Variants in SMYD3 observed in about 807,000 individuals in gnomAD.
The protein encoded by SMYD3 is histone-lysine N-methyltransferase SMYD3.
In SMYD3, 36 loss-of-function variants were observed where a neutral mutation model predicts 57.7. That is an observed-to-expected ratio of 0.62 (90% CI 0.48 to 0.82). The LOEUF (loss-of-function observed/expected upper bound fraction) is 0.82, where lower values mean the gene tolerates loss of function less well. Among genes scored for constraint, SMYD3 ranks in the 40% least tolerant of loss-of-function variants. The pLI is 0.00. For synonymous variants in SMYD3, 211 were observed against 195.0 expected (o/e 1.08, Z -0.68); for missense variants, 515 against 538.8 (o/e 0.96, Z 0.44).
At chr1:246,416,766 G>A (rs1173064961) in intron 1 of SMYD3, among the ~76,000 whole-genome samples, 1 of 152,012 alleles carries the variant, frequency 6.6e-6, no homozygotes, top group African/African-American at 2.4e-5. Flanking sequence ...GACCTTAGAA[G>A]CTGCCTCAGA....
intron 5 of SMYD3, among the ~76,000 whole-genome samples, chr1:246,077,230 A>G (rs1449296853): frequency 6.6e-6 from 1 of 152,210 alleles, no homozygotes. Context: ...TGAGGTTCAC[A>G]GAAGATTTTT....
At position 246,112,522 on chromosome 1, in the gene SMYD3, T is replaced by C. The variant is rs564804921; in HGVS notation, c.532-182585A>G. On this transcript the variant is annotated intron_variant, in intron 5 of 11. Transcript: ENST00000490107. ...TGAGGTTTTCTTAAGGAGAAATCTG[T>C]TGGTTATACACATAAATTGCTAACA... 8.5e-4 allele frequency among the ~76,000 whole-genome samples: 129 copies of C among 152,366 alleles called. No individual in the cohort carries two copies. In the South Asian group the frequency reaches 0.026, roughly 30 times the overall value.
intron 8 of SMYD3, among the ~76,000 whole-genome samples, chr1:245,866,540 T>C (rs2051858234): frequency 6.6e-6 from 1 of 152,138 alleles, no homozygotes. Flanking sequence ...GAGACCAGCC[T>C]GGCCAACATG....
At chr1:245,940,075 C>T (rs528100107) in intron 5 of SMYD3, among the ~76,000 whole-genome samples, 1 of 152,192 alleles carries the variant, frequency 6.6e-6, no homozygotes, top group Non-Finnish European at 1.5e-5. Flanking sequence ...TCCCTCCTCA[C>T]CTTCCCCTCA....
At chr1:246,441,892 G>A (rs571994896) in intron 1 of SMYD3, among the ~76,000 whole-genome samples, 8 of 152,348 alleles carry the variant, frequency 5.3e-5, no homozygotes, top group Admixed American at 2.0e-4. Context: ...GACTACAGGC[G>A]TGAACTTACG....
chr1:246,013,279 AAGAGATTCT>A (rs941925487), intron 5 of SMYD3, among the ~76,000 whole-genome samples: 1 of 152,192 alleles, frequency 6.6e-6, no homozygotes, highest in African/African-American at 2.4e-5. Context: ...TCCTGGGTTC[AAGAGATTCT>A]AGTGCCCCAG....
chr1:246,426,206 T>C (rs1311505744), intron 1 of SMYD3: 4 of 152,204 alleles, frequency 2.6e-5, no homozygotes, highest in East Asian at 1.9e-4. Context: ...TATTACCCTA[T>C]TGAGTTATTT....
At chr1:246,393,897 A>C (rs1327446568) in intron 1 of SMYD3, among the ~76,000 whole-genome samples, 1 of 152,080 alleles carries the variant, frequency 6.6e-6, no homozygotes, top group Non-Finnish European at 1.5e-5. Context: ...CTAACTCTGA[A>C]CTACTTTCTA....
chr1:246,029,555 C>A (rs2059630670), intron 5 of SMYD3, among the ~76,000 whole-genome samples: 1 of 151,582 alleles, frequency 6.6e-6, no homozygotes, highest in Admixed American at 6.6e-5. Flanking sequence ...GCCTGTAATC[C>A]CAGCTACCCA....
chr1:246,152,555 G>A (rs1023517027), intron 5 of SMYD3, among the ~76,000 whole-genome samples: 3 of 152,196 alleles, frequency 2.0e-5, no homozygotes, highest in African/African-American at 7.2e-5. Flanking sequence ...TATGTTTTAC[G>A]CACTGAGTGA....
intron 1 of SMYD3, among the ~76,000 whole-genome samples, chr1:246,423,189 C>G (rs1319168586): frequency 1.3e-5 from 2 of 151,258 alleles, no homozygotes; most frequent in Non-Finnish European, 2.9e-5. Context: ...CCCAGCTACT[C>G]AGGAGGCTGA....
chr1:246,047,413 A>G (rs1405630263), intron 5 of SMYD3, among the ~76,000 whole-genome samples: 1 of 152,268 alleles, frequency 6.6e-6, no homozygotes, highest in African/African-American at 2.4e-5. Flanking sequence ...AGTGGGGAAA[A>G]GAACCATTTG....
chr1:246,384,381 A>G (rs934476075), intron 1 of SMYD3, among the ~76,000 whole-genome samples: 1 of 152,100 alleles, frequency 6.6e-6, no homozygotes, highest in African/African-American at 2.4e-5. Context: ...GAACAAAATT[A>G]GATTATATTT....
intron 5 of SMYD3, among the ~76,000 whole-genome samples, chr1:246,021,336 C>T (rs928685808): frequency 3.9e-5 from 6 of 152,180 alleles, no homozygotes; most frequent in African/African-American, 1.4e-4. Context: ...TAGCTCTAGC[C>T]TGAAGAAAGA....
chr1:246,038,369 A>C (rs1161799021), intron 5 of SMYD3, among the ~76,000 whole-genome samples: 1 of 152,112 alleles, frequency 6.6e-6, no homozygotes, highest in Non-Finnish European at 1.5e-5. Flanking sequence ...CTTCTTAATG[A>C]GACAACTACT....
At chr1:245,926,545 G>C (rs977576481) in intron 7 of SMYD3, among the ~76,000 whole-genome samples, 2 of 152,166 alleles carry the variant, frequency 1.3e-5, no homozygotes, top group African/African-American at 4.8e-5. Flanking sequence ...TGTTGCTCCA[G>C]AGATGGAAAG....
intron 7 of SMYD3, among the ~76,000 whole-genome samples, chr1:245,917,894 T>A (rs370417027): frequency 6.6e-6 from 1 of 152,312 alleles, no homozygotes; most frequent in South Asian, 2.1e-4. Flanking sequence ...TGGTTTTTGT[T>A]ATACTTAAAA....
chr1:246,457,031 T>C (rs1194565688), intron 1 of SMYD3, among the ~76,000 whole-genome samples: 2 of 152,228 alleles, frequency 1.3e-5, no homozygotes, highest in Non-Finnish European at 2.9e-5. Flanking sequence ...CTTTCACTTC[T>C]ACAGCCTTAT....
chr1:246,450,330 C>T (rs2103028486), intron 1 of SMYD3, among the ~76,000 whole-genome samples: 1 of 152,194 alleles, frequency 6.6e-6, no homozygotes, highest in South Asian at 2.1e-4. Context: ...TAGGGACATC[C>T]CAGACTCCCA....
Sources: gnomAD v4.1 joint callset for allele counts (sites outside exome capture counted in the v4.1 genomes callset) on GRCh38, gnomAD v4.1.1 for gene constraint, MANE v1.5 for transcripts, NCBI Gene and HGNC (gene_info 2026-07-23, HGNC 2026-07-21) for gene names.